The following DRC7 variants were observed in gnomAD, a reference collection of about 807,000 sequenced individuals.
DRC7 encodes coiled-coil domain containing 135.
In DRC7, 80 loss-of-function variants were observed where a neutral mutation model predicts 104.4. The observed-to-expected ratio is 0.77, with a 90% CI of 0.64 to 0.92. The LOEUF (loss-of-function observed/expected upper bound fraction) is 0.92. DRC7 is among the 40% of genes least tolerant of loss of function. DRC7 has a pLI of 0.00. For synonymous variants in DRC7, 405 were observed against 447.3 expected (o/e 0.91, Z 1.19); for missense variants, 1,034 against 1,141.1 (o/e 0.91, Z 1.35).
intron 8 of DRC7, among the ~76,000 whole-genome samples, chr16:57,717,848 T>C (rs1329351919): frequency 1.3e-5 from 2 of 152,172 alleles, no homozygotes; most frequent in African/African-American, 4.8e-5. Context: ...GCTCTCCACC[T>C]GCATCTTATG....
chr16:57,698,039 A>G lies in DRC7; in HGVS notation c.90A>G (p.Lys30=), dbSNP rs769709301. 2.5e-6 allele frequency: 4 copies of G among 1,614,044 alleles called. No individual in the cohort carries two copies. The highest frequency in any genetic ancestry group is 3.4e-6 in the Non-Finnish European group (4 of 1,180,026). ...GGGCTGAATGGGCGAGGATGGAGAA[A>G]ATGATGAGGCCAGTTGAGGTGCGGA... ...AEWAEWARME[K]MMRPVEVRKE... is the part of the protein sequence containing the mutation. Residue 30 remains lysine, a synonymous_variant, in exon 3 of 19, where the codon AAA becomes AAG. Coordinates refer to ENST00000360716, the MANE Select transcript of DRC7 (RefSeq NM_001289162.2).
At chr16:57,716,282 C>T (rs1387495077) in intron 8 of DRC7, among the ~76,000 whole-genome samples, 1 of 152,122 alleles carries the variant, frequency 6.6e-6, no homozygotes, top group Non-Finnish European at 1.5e-5. Flanking sequence ...GTAGGTGGAT[C>T]ACTTGAGGCC....
chr16:57,727,085 C>A, intron 15 of DRC7, 143 bp downstream of exon 15: 1 of 659,116 alleles, frequency 1.5e-6, no homozygotes, highest in Non-Finnish European at 2.7e-6. Flanking sequence ...CTCATCCTCC[C>A]AGGTAACTGG....
intron 10 of DRC7, among the ~76,000 whole-genome samples, chr16:57,722,149 C>A (rs1025480720): frequency 6.6e-6 from 1 of 152,186 alleles, no homozygotes; most frequent in Non-Finnish European, 1.5e-5. Context: ...CTGTCATGCT[C>A]CATGTCAATA....
intron 14 of DRC7, 54 bp downstream of exon 14, chr16:57,726,337 CTCTG>C (rs1490598055): frequency 1.3e-6 from 2 of 1,489,584 alleles, no homozygotes; most frequent in East Asian, 2.3e-5. Flanking sequence ...AACCGGGGCT[CTCTG>C]TCTTATTCCA....
At position 57,731,359 on chromosome 16, in the gene DRC7, A is replaced by C; in HGVS notation, c.*101A>C. 1.1e-6 allele frequency: 1 copy of C among 891,482 alleles called. No homozygotes were observed. Among genetic ancestry groups the C allele is most frequent in the Non-Finnish European group, 1.8e-6 (1 of 562,592 alleles). 55.2% of individuals were successfully genotyped at this position (891,482 alleles called of 1,614,324 possible). ...CTATCCAGCCAATGCCTGTTTACAC[A>C]GACACCTGGCCTCACTGCCAGCCCA... On this transcript the variant is annotated 3_prime_UTR_variant, in exon 19 of 19. Coordinates refer to ENST00000360716, the MANE Select transcript of DRC7 (RefSeq NM_001289162.2).
At chr16:57,707,731 G>A (rs769318785) in intron 8 of DRC7, 53 bp downstream of exon 8, 5 of 1,518,418 alleles carry the variant, frequency 3.3e-6, no homozygotes, top group Non-Finnish European at 4.5e-6. Flanking sequence ...GCAGGTGATA[G>A]GAATAGAGGG....
intron 17 of DRC7, among the ~76,000 whole-genome samples, chr16:57,730,359 G>C (rs550277816): frequency 9.3e-5 from 14 of 151,254 alleles, no homozygotes; most frequent in African/African-American, 3.4e-4. Context: ...TTGGATGGGC[G>C]AGTGGATAGA....
intron 9 of DRC7, among the ~76,000 whole-genome samples, chr16:57,719,877 C>G (rs2048884663): frequency 6.6e-6 from 1 of 152,038 alleles, no homozygotes; most frequent in Admixed American, 6.6e-5. Flanking sequence ...CTCTAAAGAC[C>G]CTGTCTCTAA....
intron 17 of DRC7, among the ~76,000 whole-genome samples, chr16:57,729,558 ATGAG>A (rs1364166065): frequency 8.0e-5 from 6 of 75,126 alleles, no homozygotes; most frequent in African/African-American, 2.9e-4. Context: ...GGGTGGATGG[ATGAG>A]TGGGTGGGTG....
In DRC7 at chr16:57,698,847, C is replaced by T; in HGVS notation, c.204-3C>T. On this transcript the variant is annotated splice_region_variant and splice_polypyrimidine_tract_variant and intron_variant, in intron 3 of 18. Transcript: ENST00000360716. Reference sequence around the variant, plus strand: ...CCCTAATGCCATCCCTGTTGTGGCACAGGGCCTTTACCAAGGACACTATTG... The same window carrying T: ...CCCTAATGCCATCCCTGTTGTGGCATAGGGCCTTTACCAAGGACACTATTG... 6.2e-7 allele frequency: 1 copy of T among 1,613,362 alleles called. No individual in the cohort carries two copies. The highest frequency in any genetic ancestry group is 8.5e-7 in the Non-Finnish European group (1 of 1,179,482).
Position 57,707,358 on chromosome 16 carries a change from A to C in DRC7, c.859-102A>C, listed in dbSNP as rs553958620. The C allele has an allele frequency of 1.1e-4, 121 of 1,062,498 alleles. 2 individuals carry two copies. Among genetic ancestry groups the C allele is most frequent in the South Asian group, 8.6e-4 (55 of 63,872 alleles). The allele number at this position is 1,062,498 out of a possible 1,614,324, so 65.8% of individuals were successfully genotyped here. A position where few individuals can be genotyped will look rare whatever the true frequency, so the allele number is the denominator to read the frequency against. On this transcript the variant is annotated intron_variant, in intron 7 of 18. Transcript: ENST00000360716. ...GGTTGATGGTGCAGTCTACATCAGA[A>C]CTCAGCTCTCCTGCTGGTTCCCCAG...
rs1229385572 is a variant in DRC7, at chr16:57,708,327, A to T, written c.1077+649A>T. Reference sequence around the variant, plus strand: ...ACTTCTAACGACATCCATTAGTTTCATCTGTTTTTGGAGTTTACATCAGTT... The same window carrying T: ...ACTTCTAACGACATCCATTAGTTTCTTCTGTTTTTGGAGTTTACATCAGTT... On this transcript the variant is annotated intron_variant, in intron 8 of 18. Coordinates refer to ENST00000360716, the MANE Select transcript of DRC7 (RefSeq NM_001289162.2). Among the ~76,000 whole-genome samples, 5 of 152,126 alleles carry T rather than the reference A, an allele frequency of 3.3e-5. No homozygotes were observed. The East Asian group carries it at 9.6e-4, about 29-fold the overall frequency.
At chr16:57,727,952 T>C (rs1442617357) in intron 16 of DRC7, among the ~76,000 whole-genome samples, 1 of 152,194 alleles carries the variant, frequency 6.6e-6, no homozygotes, top group Non-Finnish European at 1.5e-5. Context: ...CGTCTCCAAC[T>C]TCACTGCCCC....
At chr16:57,705,121 A>ATG in intron 7 of DRC7, 87 bp downstream of exon 7, 2 of 1,432,042 alleles carry the variant, frequency 1.4e-6, no homozygotes, top group Non-Finnish European at 1.9e-6. Flanking sequence ...CATGGAGGGG[A>ATG]TGTGTGTATG....
intron 13 of DRC7, chr16:57,725,765 A>C (rs1388841399): frequency 8.2e-6 from 3 of 367,730 alleles, no homozygotes; most frequent in Non-Finnish European, 1.5e-5. Context: ...TCTAGCAGTA[A>C]GGGATGTCTA....
chr16:57,723,915 C>A (rs1218398155), intron 12 of DRC7, among the ~76,000 whole-genome samples: 1 of 151,894 alleles, frequency 6.6e-6, no homozygotes, highest in Non-Finnish European at 1.5e-5. Flanking sequence ...AATGGTCCTA[C>A]TGGGTATGAA....
intron 2 of DRC7, 45 bp from the exon 3 acceptor site, chr16:57,697,868 C>T: frequency 1.9e-6 from 3 of 1,542,158 alleles, no homozygotes; most frequent in Non-Finnish European, 2.6e-6. Context: ...TGGCTCCTGC[C>T]TGGGCTGACA....
rs780056500 is a variant in DRC7, at chr16:57,727,424, C to T, written c.2196+15C>T. On this transcript the variant is annotated intron_variant, in intron 16 of 18. Coordinates refer to ENST00000360716, the MANE Select transcript of DRC7 (RefSeq NM_001289162.2). ...GGGAGGCCATGGTCAGTCCCAATCC[C>T]TTCTCCAGGCCCCAGCTTTTCCTAG... is the stretch of plus-strand genomic sequence containing the variant. 2.5e-6 allele frequency: 4 copies of T among 1,587,014 alleles called. No individual in the cohort carries two copies. In the Admixed American group the frequency reaches 6.7e-5, roughly 26 times the overall value.
Sources: allele counts gnomAD v4.1 joint callset (sites outside exome capture counted in the v4.1 genomes callset), GRCh38; gene constraint gnomAD v4.1.1; transcripts MANE v1.5; gene names NCBI Gene and HGNC (gene_info 2026-07-23, HGNC 2026-07-21).